Variants in CABIN1 observed in about 807,000 individuals in gnomAD.
CABIN1 encodes the protein calcineurin binding protein 1, also known as calcineurin-binding protein cabin-1.
In CABIN1, 133 loss-of-function variants were observed where a neutral mutation model predicts 227.7. That is an observed-to-expected ratio of 0.58 (90% CI 0.51 to 0.67). The LOEUF is 0.67. CABIN1 is among the 30% of genes least tolerant of loss of function. The probability of loss-of-function intolerance (pLI) is 0.00; values close to 1 mark genes in which losing one functional copy is unlikely to be tolerated. For synonymous variants in CABIN1, 1,086 were observed against 1,155.1 expected, an observed-to-expected ratio of 0.94 and a Z score of 1.21; for missense variants, 2,408 against 2,852.5, an observed-to-expected ratio of 0.84 and a Z score of 3.55.
At chr22:24,101,588 G>C (rs2042203411) in intron 26 of CABIN1, 1 of 152,282 alleles carries the variant, frequency 6.6e-6, no homozygotes, top group Admixed American at 6.5e-5. Flanking sequence ...GAGAACAACA[G>C]AGAGAGAAGC....
At chr22:24,132,847 C>T (rs1384311902) in intron 28 of CABIN1, among the ~76,000 whole-genome samples, 1 of 152,226 alleles carries the variant, frequency 6.6e-6, no homozygotes, top group Non-Finnish European at 1.5e-5. Context: ...CTTGGCCTCC[C>T]AAAGTGCTGG....
intron 22 of CABIN1, among the ~76,000 whole-genome samples, chr22:24,086,746 C>T (rs2041196028): frequency 1.3e-5 from 2 of 152,216 alleles, no homozygotes; most frequent in African/African-American, 4.8e-5. Context: ...GGCCATTCCT[C>T]CTCTCAGACA....
intron 1 of CABIN1, among the ~76,000 whole-genome samples, chr22:24,014,878 G>A (rs987540548): frequency 1.3e-5 from 2 of 152,098 alleles, no homozygotes; most frequent in African/African-American, 4.8e-5. Context: ...TCGCACAAGT[G>A]AACAGTTAGT....
chr22:24,097,932 G>A, intron 25 of CABIN1, 82 bp from the exon 26 acceptor site: 2 of 1,569,958 alleles, frequency 1.3e-6, no homozygotes, highest in South Asian at 2.2e-5. Flanking sequence ...GCCCTGGGAA[G>A]GGCATTCACC....
chr22:24,125,283 T>C (rs1281553087), intron 28 of CABIN1, among the ~76,000 whole-genome samples: 7 of 152,212 alleles, frequency 4.6e-5, no homozygotes, highest in Admixed American at 3.9e-4. Flanking sequence ...ATCTGCTGAC[T>C]TTTGACTTCA....
At chr22:24,114,448 G>A (rs767669194) in intron 27 of CABIN1, among the ~76,000 whole-genome samples, 54 of 152,196 alleles carry the variant, frequency 3.5e-4, no homozygotes, top group Non-Finnish European at 6.8e-4. Flanking sequence ...ACCCAGCCCC[G>A]TACTCTTTTC....
In CABIN1 at chr22:24,043,039, T is replaced by G. The variant is rs777076011; in HGVS notation, c.481T>G (p.Leu161Val). 1 of 1,614,000 alleles carries G rather than the reference T, an allele frequency of 6.2e-7. No individual in the cohort carries two copies. The highest frequency in any genetic ancestry group is 1.7e-5 in the Admixed American group (1 of 60,010). ...LRCNPDHWPC[L>V]DNLITVLYTL... ...GTGCAATCCTGACCACTGGCCCTGTTTGGATAACCTAATCACTGTCCTGTA... is the reference window on the plus strand; with the variant it reads ...GTGCAATCCTGACCACTGGCCCTGTGTGGATAACCTAATCACTGTCCTGTA... The change falls in exon 6 of 37, where the codon TTG becomes GTG. Residue 161 changes from leucine to valine, a missense_variant. Around this residue, in one of 3 missense-constraint regions of CABIN1, gnomAD observed 1,045 missense variants for 1,168.4 expected, o/e 0.89. Transcript: ENST00000263119.
intron 23 of CABIN1, 74 bp downstream of exon 23, chr22:24,087,787 T>G: frequency 3.2e-6 from 5 of 1,575,130 alleles, no homozygotes; most frequent in Non-Finnish European, 4.3e-6. Context: ...AACGAAGCTC[T>G]GTCTCATTCG....
intron 26 of CABIN1, among the ~76,000 whole-genome samples, chr22:24,110,869 A>AT (rs782713456): frequency 4.0e-5 from 6 of 149,148 alleles, no homozygotes; most frequent in Admixed American, 1.3e-4. Context: ...CCTAGGTGTG[A>AT]TTTTTTTTTT....
At chr22:24,172,802 G>A (rs558277467) in intron 34 of CABIN1, among the ~76,000 whole-genome samples, 1 of 152,210 alleles carries the variant, frequency 6.6e-6, no homozygotes, top group African/African-American at 2.4e-5. Flanking sequence ...GACACCAGCA[G>A]CTCTGGCAGC....
chr22:24,158,683 GT>G (rs969588176), intron 29 of CABIN1, among the ~76,000 whole-genome samples: 3 of 151,974 alleles, frequency 2.0e-5, no homozygotes, highest in Non-Finnish European at 2.9e-5. Context: ...CTGCATCCTG[GT>G]TTTTTTCTGG....
intron 28 of CABIN1, among the ~76,000 whole-genome samples, chr22:24,123,920 G>A (rs1316392597): frequency 2.0e-5 from 3 of 152,366 alleles, no homozygotes; most frequent in East Asian, 3.9e-4. Context: ...GGGCCCACAA[G>A]CAGAGCCTGC....
At chr22:24,080,402 T>A (rs1199869562) in intron 19 of CABIN1, among the ~76,000 whole-genome samples, 1 of 152,248 alleles carries the variant, frequency 6.6e-6, no homozygotes, top group Non-Finnish European at 1.5e-5. Context: ...TGTAATGTTT[T>A]ATGATATCCA....
At chr22:24,167,560 C>T (rs6004073) in intron 32 of CABIN1, among the ~76,000 whole-genome samples, 4 of 152,376 alleles carry the variant, frequency 2.6e-5, no homozygotes, top group African/African-American at 7.2e-5. Flanking sequence ...CCGCTGCTCC[C>T]ACCGCTGCGC....
chr22:24,167,581 G>A (rs1364739941), intron 32 of CABIN1, among the ~76,000 whole-genome samples: 1 of 152,192 alleles, frequency 6.6e-6, no homozygotes, highest in Non-Finnish European at 1.5e-5. Context: ...TGGGCCTCTG[G>A]GTACATCTTA....
intron 27 of CABIN1, among the ~76,000 whole-genome samples, chr22:24,115,501 G>A (rs1199819412): frequency 6.6e-6 from 1 of 152,236 alleles, no homozygotes; most frequent in Non-Finnish European, 1.5e-5. Context: ...TCTAAGCCCA[G>A]CTTTTCTTGG....
chr22:24,176,436 A>T (rs2047113154), intron 35 of CABIN1, among the ~76,000 whole-genome samples, 161 bp downstream of exon 35: 1 of 152,088 alleles, frequency 6.6e-6, no homozygotes, highest in South Asian at 2.1e-4. Flanking sequence ...TGGACAGGGG[A>T]GCCAAGGGAG....
At position 24,167,333 on chromosome 22, in the gene CABIN1, C is replaced by T. The variant is rs373368027; in HGVS notation, c.5682+20C>T. ...AAGCAGGTGGGTGGCAGGCAGAGGC[C>T]TGGGGGCACTAGTCTGCTGGCAGCA... On this transcript the variant is annotated intron_variant, in intron 32 of 36. Transcript: ENST00000263119. 24 of 1,605,162 alleles carry T rather than the reference C, an allele frequency of 1.5e-5. No individual in the cohort carries two copies. The African/African-American group carries it at 3.1e-4, about 21-fold the overall frequency.
intron 29 of CABIN1, among the ~76,000 whole-genome samples, chr22:24,136,522 G>GTTTTTTTTTTT (rs2044413985): frequency 1.3e-5 from 1 of 77,376 alleles, no homozygotes; most frequent in Admixed American, 1.3e-4. Context: ...GCTAATTTTT[G>GTTTTTTTTTTT]TATTTTTTTT....
Sources: gnomAD v4.1 joint callset for allele counts (sites outside exome capture counted in the v4.1 genomes callset) on GRCh38, gnomAD v4.1.1 for gene constraint, gnomAD v4.1.1 regional missense constraint, MANE v1.5 for transcripts, NCBI Gene and HGNC (gene_info 2026-07-23, HGNC 2026-07-21) for gene names.